Variants in ADAMTSL3 observed in about 807,000 individuals in gnomAD.
The protein encoded by ADAMTSL3 is ADAMTS like 3.
In ADAMTSL3, 128 loss-of-function variants were observed where a neutral mutation model predicts 201.7. That is an observed-to-expected ratio of 0.63 (90% CI 0.55 to 0.73). The LOEUF (loss-of-function observed/expected upper bound fraction) is 0.73, where lower values mean the gene tolerates loss of function less well. Among genes scored for constraint, ADAMTSL3 ranks in the 30% least tolerant of loss-of-function variants. The pLI, the probability that ADAMTSL3 is intolerant of heterozygous loss-of-function variation, is 0.00. For synonymous variants in ADAMTSL3, 738 were observed against 748.4 expected, an observed-to-expected ratio of 0.99 and a Z score of 0.23; for missense variants, 1,990 against 2,119.6, an observed-to-expected ratio of 0.94 and a Z score of 1.20.
chr15:83,711,351 TGAAAGAA>T (rs2061930819), intron 3 of ADAMTSL3, among the ~76,000 whole-genome samples: 1 of 152,202 alleles, frequency 6.6e-6, no homozygotes, highest in Non-Finnish European at 1.5e-5. Flanking sequence ...AAATTTCTGG[TGAAAGAA>T]GACGGACATA....
chr15:83,889,935 T>C (rs2065470991), intron 10 of ADAMTSL3, among the ~76,000 whole-genome samples, 174 bp from the exon 11 acceptor site: 1 of 152,138 alleles, frequency 6.6e-6, no homozygotes, highest in African/African-American at 2.4e-5. Flanking sequence ...TGAAGGAACC[T>C]GGGCATTAGA....
intron 6 of ADAMTSL3, among the ~76,000 whole-genome samples, chr15:83,825,871 A>G (rs1327132804): frequency 6.6e-6 from 1 of 152,118 alleles, no homozygotes; most frequent in African/African-American, 2.4e-5. Flanking sequence ...TGAGGCTACC[A>G]GTGGAGGTGG....
intron 9 of ADAMTSL3, among the ~76,000 whole-genome samples, chr15:83,883,017 A>G (rs940794682): frequency 2.0e-5 from 3 of 152,048 alleles, no homozygotes; most frequent in African/African-American, 7.2e-5. Context: ...TTAAAGAAAT[A>G]TAGCAGATTT....
At chr15:83,876,264 C>T (rs139096853) in intron 9 of ADAMTSL3, among the ~76,000 whole-genome samples, 1 of 152,044 alleles carries the variant, frequency 6.6e-6, no homozygotes, top group Non-Finnish European at 1.5e-5. Flanking sequence ...TCAGACCATC[C>T]AAACATTGTC....
At chr15:84,002,908 C>T (rs908209860) in intron 23 of ADAMTSL3, among the ~76,000 whole-genome samples, 4 of 148,178 alleles carry the variant, frequency 2.7e-5, no homozygotes, top group Non-Finnish European at 6.0e-5. Flanking sequence ...TCCATAATCT[C>T]TCTTTTTTCT....
intron 19 of ADAMTSL3, chr15:83,961,685 G>A (rs1452031482): frequency 1.3e-5 from 2 of 152,200 alleles, no homozygotes; most frequent in Non-Finnish European, 2.9e-5. Context: ...AGAGACAGCA[G>A]AGAGGCAGTC....
At position 83,982,579 on chromosome 15, in the gene ADAMTSL3, C is replaced by A. The variant is rs1460076013; in HGVS notation, c.2951C>A (p.Ala984Glu). 1 of 1,614,210 alleles carries A rather than the reference C, an allele frequency of 6.2e-7. No homozygotes were observed. The highest frequency in any genetic ancestry group is 8.5e-7 in the Non-Finnish European group (1 of 1,180,052). ...APDIGVYRCI[A>E]GSAQETVVLK... The stretch of plus-strand genomic sequence containing the variant: ...GACATCGGCGTGTACCGGTGCATTG[C>A]AGGCTCTGCACAGGAAACAGTTGTG... Residue 984 changes from alanine to glutamate, a missense_variant, in exon 21 of 30, where the codon GCA becomes GAA. Physicochemically the swap from Ala to Glu is moderately radical, Grantham distance 107. Coordinates refer to ENST00000286744, the MANE Select transcript of ADAMTSL3 (RefSeq NM_207517.3).
At chr15:83,808,454 A>G (rs942479395) in intron 5 of ADAMTSL3, among the ~76,000 whole-genome samples, 1 of 152,196 alleles carries the variant, frequency 6.6e-6, no homozygotes, top group African/African-American at 2.4e-5. Flanking sequence ...ACTTAAAATG[A>G]TTATTATCAC....
chr15:83,951,692 TGTTATTG>T (rs1183332998), intron 19 of ADAMTSL3, among the ~76,000 whole-genome samples: 1 of 152,128 alleles, frequency 6.6e-6, no homozygotes, highest in Non-Finnish European at 1.5e-5. Flanking sequence ...CTTGTTAGCT[TGTTATTG>T]GTCTGTTCAG....
chr15:83,991,879 G>A (rs1474878665), intron 23 of ADAMTSL3, among the ~76,000 whole-genome samples: 1 of 152,220 alleles, frequency 6.6e-6, no homozygotes, highest in African/African-American at 2.4e-5. Context: ...CTGGGCCCAT[G>A]CATCTCTGAA....
intron 15 of ADAMTSL3, among the ~76,000 whole-genome samples, chr15:83,900,478 C>CA (rs1182445814): frequency 1.3e-5 from 2 of 152,202 alleles, no homozygotes; most frequent in African/African-American, 4.8e-5. Context: ...TCTGTAAGAA[C>CA]AACAGTACCA....
intron 6 of ADAMTSL3, among the ~76,000 whole-genome samples, chr15:83,833,454 C>G (rs2064197798): frequency 6.6e-6 from 1 of 152,064 alleles, no homozygotes; most frequent in Admixed American, 6.5e-5. Context: ...TAACCACCCC[C>G]TAAATGTTTC....
At chr15:83,797,217 G>GA (rs1410297032) in intron 4 of ADAMTSL3, among the ~76,000 whole-genome samples, 1 of 152,122 alleles carries the variant, frequency 6.6e-6, no homozygotes, top group Non-Finnish European at 1.5e-5. Flanking sequence ...GAGGCTAGTA[G>GA]AAAAGTGGGC....
chr15:83,820,942 T>C (rs1156523848), intron 6 of ADAMTSL3, among the ~76,000 whole-genome samples: 1 of 151,986 alleles, frequency 6.6e-6, no homozygotes, highest in African/African-American at 2.4e-5. Flanking sequence ...GGTGTGATGG[T>C]GTGTGCCTGT....
intron 8 of ADAMTSL3, among the ~76,000 whole-genome samples, chr15:83,865,388 C>G (rs1028448972): frequency 9.9e-5 from 15 of 152,184 alleles, no homozygotes; most frequent in African/African-American, 3.4e-4. Flanking sequence ...GTAACCAAAA[C>G]AGCATGGTAC....
chr15:83,969,692 A>G (rs1189322198), intron 19 of ADAMTSL3, among the ~76,000 whole-genome samples: 2 of 152,238 alleles, frequency 1.3e-5, no homozygotes, highest in East Asian at 1.9e-4. Context: ...TCATAGAAGC[A>G]TAGAATACAA....
rs563835506 is a variant in ADAMTSL3, at chr15:83,806,838, A to G, written c.363+2143A>G. On this transcript the variant is annotated intron_variant, in intron 5 of 29. Coordinates refer to ENST00000286744, the MANE Select transcript of ADAMTSL3 (RefSeq NM_207517.3). Reference sequence around the variant, plus strand: ...ACTGCACTCCAGCCTGGGTGACAGAACCAGATTCCATCTCAAACAAGCAAG... The same window carrying G: ...ACTGCACTCCAGCCTGGGTGACAGAGCCAGATTCCATCTCAAACAAGCAAG... Among the ~76,000 whole-genome samples, 9 of 152,092 alleles carry G rather than the reference A, an allele frequency of 5.9e-5. No homozygotes were observed. In the South Asian group the frequency reaches 1.7e-3, roughly 28 times the overall value.
chr15:83,808,443 C>A (rs1304375253), intron 5 of ADAMTSL3, among the ~76,000 whole-genome samples: 1 of 152,142 alleles, frequency 6.6e-6, no homozygotes, highest in Non-Finnish European at 1.5e-5. Context: ...CACCTCATTC[C>A]ACTTAAAATG....
chr15:83,924,123 C>T, intron 17 of ADAMTSL3, 90 bp downstream of exon 17: 9 of 1,503,850 alleles, frequency 6.0e-6, no homozygotes, highest in Non-Finnish European at 8.1e-6. Context: ...AGACTTGTGG[C>T]TTCACCCAAG....
Sources: gnomAD v4.1 joint callset for allele counts (sites outside exome capture counted in the v4.1 genomes callset) on GRCh38, gnomAD v4.1.1 for gene constraint, MANE v1.5 for transcripts, NCBI Gene and HGNC (gene_info 2026-07-23, HGNC 2026-07-21) for gene names.